The following POLR2J variants were observed in gnomAD, a reference collection of about 807,000 sequenced individuals.
The protein encoded by POLR2J is RNA polymerase II subunit J, also known as DNA-directed RNA polymerase II subunit RPB11-a.
In POLR2J, 12 loss-of-function variants were observed where a neutral mutation model predicts 13.4. The observed-to-expected ratio is 0.90, with a 90% CI of 0.57 to 1.45. The LOEUF is 1.45. Among genes scored for constraint, POLR2J ranks in the 40% most tolerant of loss-of-function variants. The probability of loss-of-function intolerance (pLI) is 0.00; values close to 1 mark genes in which losing one functional copy is unlikely to be tolerated. For missense variants in POLR2J, 58 were observed against 132.0 expected, an observed-to-expected ratio of 0.44 and a Z score of 2.75; for synonymous variants, 31 against 53.6, an observed-to-expected ratio of 0.58 and a Z score of 1.84.
At chr7:102,473,735 A>T (rs763885399) in intron 3 of POLR2J, 51 bp from the exon 4 acceptor site, 8 of 1,611,500 alleles carry the variant, frequency 5.0e-6, no homozygotes, top group Non-Finnish European at 6.8e-6. Context: ...TGGGGCAAGG[A>T]CGCTGGAAAC....
At chr7:102,478,584 G>C (rs544243786) in intron 1 of POLR2J, among the ~76,000 whole-genome samples, 24 of 151,604 alleles carry the variant, frequency 1.6e-4, no homozygotes, top group African/African-American at 5.1e-4. Context: ...CACTTCCTGT[G>C]TCCGGGGCAA....
Position 102,473,589 on chromosome 7 carries a change from C to T in POLR2J, c.*60G>A, listed in dbSNP as rs530025714. 5.1e-5 allele frequency: 82 copies of T among 1,605,542 alleles called. No homozygotes were observed. The highest frequency in any genetic ancestry group is 6.2e-5 in the Non-Finnish European group (73 of 1,176,398). On this transcript the variant is annotated 3_prime_UTR_variant, in exon 4 of 4. Coordinates refer to ENST00000292614, the MANE Select transcript of POLR2J (RefSeq NM_006234.6). ...GCTCTCCTCGGTGTGGTACCTGGAG[C>T]GGAGGGTCAGGCACAGGTAGGAACG...
intron 2 of POLR2J, among the ~76,000 whole-genome samples, chr7:102,475,816 G>A (rs1798413427): frequency 6.7e-6 from 1 of 149,836 alleles, no homozygotes; most frequent in Admixed American, 6.7e-5. Context: ...CAGCTACTAG[G>A]AAGGCTGAAG....
chr7:102,478,889 A>T lies in POLR2J; in HGVS notation c.-29T>A, dbSNP rs772700407. The T allele has an allele frequency of 1.2e-6, 2 of 1,610,068 alleles. No homozygotes were observed. Among genetic ancestry groups the T allele is most frequent in the Non-Finnish European group, 1.7e-6 (2 of 1,179,528 alleles). ...CCCGCCGCCGTTGCGTCCAGACCCC[A>T]AGGGTCCGCCGCCGCCGCCACCAGA... On this transcript the variant is annotated 5_prime_UTR_variant, in exon 1 of 4. Coordinates refer to ENST00000292614, the MANE Select transcript of POLR2J (RefSeq NM_006234.6).
Position 102,473,622 on chromosome 7 carries a change from C to A in POLR2J, c.*27G>T. The A allele has an allele frequency of 6.2e-7, 1 of 1,602,486 alleles. No individual in the cohort carries two copies. On this transcript the variant is annotated 3_prime_UTR_variant, in exon 4 of 4. Transcript: ENST00000292614. ...CAGGCACAGGTAGGAACGGGGCTCA[C>A]AGGCCGAGCAGAGCCCCCTCTGGCC...
rs529620182 is a variant in POLR2J at position 102,473,764 on chromosome 7, C to T, written c.319-80G>A. 1,147 of 1,586,738 alleles carry T rather than the reference C, an allele frequency of 7.2e-4. 3 individuals carry two copies. The highest frequency in any genetic ancestry group is 2.9e-3 in the Middle Eastern group (16 of 5,448). On this transcript the variant is annotated intron_variant, in intron 3 of 3. Coordinates refer to ENST00000292614, the MANE Select transcript of POLR2J (RefSeq NM_006234.6). The stretch of plus-strand genomic sequence containing the variant: ...TGGAAACACATGCCCAGCATCCCCC[C>T]CGCCAGGCCCTTCCTGGAGGGCAGC...
Position 102,473,131 on chromosome 7 carries a change from C to G in POLR2J, c.*518G>C. The G allele has an allele frequency of 7.0e-7, 1 of 1,426,522 alleles. No individual in the cohort carries two copies. Among genetic ancestry groups the G allele is most frequent in the Non-Finnish European group, 9.5e-7 (1 of 1,053,030 alleles). 88.4% of individuals were successfully genotyped at this position (1,426,522 alleles called of 1,614,324 possible). On this transcript the variant is annotated 3_prime_UTR_variant, in exon 4 of 4. Coordinates refer to ENST00000292614, the MANE Select transcript of POLR2J (RefSeq NM_006234.6). Reference sequence around the variant, plus strand: ...CCGATGGGGGTGGGGGGGGGTCTTTCAGTGAATATTTTTATTAAACTCTAC... The same window carrying G: ...CCGATGGGGGTGGGGGGGGGTCTTTGAGTGAATATTTTTATTAAACTCTAC...
chr7:102,473,729 G>A, intron 3 of POLR2J, 45 bp from the exon 4 acceptor site: 6 of 1,612,668 alleles, frequency 3.7e-6, no homozygotes, highest in South Asian at 3.3e-5. Flanking sequence ...AACAGCTGGG[G>A]CAAGGACGCT....
chr7:102,474,593 C>A lies in POLR2J; in HGVS notation c.144-58G>T, dbSNP rs1190560309. 4 of 1,388,410 alleles carry A rather than the reference C, an allele frequency of 2.9e-6. No homozygotes were observed. The East Asian group carries it at 9.2e-5, about 32-fold the overall frequency. 86.0% of individuals were successfully genotyped at this position (1,388,410 alleles called of 1,614,324 possible). On this transcript the variant is annotated intron_variant, in intron 2 of 3. Transcript: ENST00000292614. ...GCCTCATGCCCAAGCTGGGTAGCAG[C>A]CAGCTCAGAGCAGAAGAACAGACTT... is the stretch of plus-strand genomic sequence containing the variant.
Position 102,473,521 on chromosome 7 carries a change from G to C in POLR2J, c.*128C>G. 1 of 1,421,926 alleles carries C rather than the reference G, an allele frequency of 7.0e-7. No homozygotes were observed. The highest frequency in any genetic ancestry group is 9.5e-7 in the Non-Finnish European group (1 of 1,049,256). The allele number at this position is 1,421,926 out of a possible 1,614,324, so 88.1% of individuals were successfully genotyped here. A position where few individuals can be genotyped will look rare whatever the true frequency, so the allele number is the denominator to read the frequency against. ...CTATGTACAGGACACGTCGGTGTCA[G>C]GGTGAGGGGTGGCCACAAGGCGGGC... On this transcript the variant is annotated 3_prime_UTR_variant, in exon 4 of 4. Transcript: ENST00000292614.
chr7:102,478,852 G>A lies in POLR2J; in HGVS notation c.9C>T (p.Ala3=), dbSNP rs1453453035. The stretch of plus-strand genomic sequence containing the variant: ...GCAAGAACGACTCGAAGGCTGGAGG[G>A]GCGTTCATGCTCCCGCCGCCGTTGC... MN[A]PPAFESFLLF... is the part of the protein sequence containing the mutation. The change falls in exon 1 of 4, where the codon GCC becomes GCT. Residue 3 remains alanine, a synonymous_variant. Coordinates refer to ENST00000292614, the MANE Select transcript of POLR2J (RefSeq NM_006234.6). The A allele has an allele frequency of 3.1e-6, 5 of 1,610,752 alleles. No individual in the cohort carries two copies. Among genetic ancestry groups the A allele is most frequent in the Non-Finnish European group, 3.4e-6 (4 of 1,179,710 alleles).
chr7:102,473,187 C>G lies in POLR2J; in HGVS notation c.*462G>C. ...ACAAGAAGCCTGTGGAAAGGTGTTTCGAGTTATGCAGGAAGAAGTGTTCCT... is the reference window on the plus strand; with the variant it reads ...ACAAGAAGCCTGTGGAAAGGTGTTTGGAGTTATGCAGGAAGAAGTGTTCCT... On this transcript the variant is annotated 3_prime_UTR_variant, in exon 4 of 4. Transcript: ENST00000292614. 3.9e-6 allele frequency: 4 copies of G among 1,034,804 alleles called. No individual in the cohort carries two copies. Among genetic ancestry groups the G allele is most frequent in the Non-Finnish European group, 5.5e-6 (4 of 728,486 alleles). 64.1% of individuals were successfully genotyped at this position (1,034,804 alleles called of 1,614,324 possible).
intron 1 of POLR2J, among the ~76,000 whole-genome samples, chr7:102,477,662 C>A (rs1798465950): frequency 7.5e-5 from 2 of 26,516 alleles, no homozygotes; most frequent in Admixed American, 7.5e-4. Context: ...CCAAATGGTC[C>A]CCAGTTGAGA....
In POLR2J at chr7:102,478,891, G is replaced by A. The variant is rs775699736; in HGVS notation, c.-31C>T. 1.4e-5 allele frequency: 22 copies of A among 1,609,846 alleles called. No individual in the cohort carries two copies. Among genetic ancestry groups the A allele is most frequent in the Middle Eastern group, 2.2e-4 (1 of 4,452 alleles). On this transcript the variant is annotated 5_prime_UTR_variant, in exon 1 of 4. Coordinates refer to ENST00000292614, the MANE Select transcript of POLR2J (RefSeq NM_006234.6). ...CGCCGCCGTTGCGTCCAGACCCCAA[G>A]GGTCCGCCGCCGCCGCCACCAGAGC...
chr7:102,473,876 A>C (rs970867049), intron 3 of POLR2J, 192 bp from the exon 4 acceptor site: 4 of 1,441,562 alleles, frequency 2.8e-6, no homozygotes, highest in Non-Finnish European at 3.6e-6. Context: ...CAGCCCCGGC[A>C]GGAGTCAGAG....
At position 102,478,807 on chromosome 7, in the gene POLR2J, C is replaced by T; in HGVS notation, c.53+1G>A. 2 of 1,610,736 alleles carry T rather than the reference C, an allele frequency of 1.2e-6. No homozygotes were observed. Among genetic ancestry groups the T allele is most frequent in the Non-Finnish European group, 1.7e-6 (2 of 1,179,604 alleles). ...GGCCCGCCGCAGCCGGCGTCACTTA[C>T]TTCTTCTCGCCCTCGAAGAGCAAGA... On this transcript the variant is annotated splice_donor_variant, in intron 1 of 3. Coordinates refer to ENST00000292614, the MANE Select transcript of POLR2J (RefSeq NM_006234.6). LOFTEE classifies it high-confidence loss of function.
At chr7:102,476,296 G>A in intron 1 of POLR2J, 26 bp from the exon 2 acceptor site, 2 of 648,104 alleles carry the variant, frequency 3.1e-6, no homozygotes, top group Non-Finnish European at 5.4e-6. Flanking sequence ...GGCCACAGAT[G>A]AGGAGCAGGG....
chr7:102,473,280 T>C lies in POLR2J; in HGVS notation c.*369A>G. On this transcript the variant is annotated 3_prime_UTR_variant, in exon 4 of 4. Transcript: ENST00000292614. ...CAGAGACTCTTGGGAGCTCATGGGTTTGCACACTTCTCTCCGGCTCAGCAC... is the reference window on the plus strand; with the variant it reads ...CAGAGACTCTTGGGAGCTCATGGGTCTGCACACTTCTCTCCGGCTCAGCAC... The C allele has an allele frequency of 1.7e-6, 1 of 605,580 alleles. No individual in the cohort carries two copies. Among genetic ancestry groups the C allele is most frequent in the Non-Finnish European group, 2.8e-6 (1 of 355,250 alleles). 37.5% of individuals were successfully genotyped at this position (605,580 alleles called of 1,614,324 possible).
chr7:102,475,656 GCT>G (rs1327966952), intron 2 of POLR2J, among the ~76,000 whole-genome samples: 1 of 152,288 alleles, frequency 6.6e-6, no homozygotes, highest in Non-Finnish European at 1.5e-5. Flanking sequence ...GGGCGCAGTA[GCT>G]CACGTCTCTA....
Sources: gnomAD v4.1 joint callset for allele counts (sites outside exome capture counted in the v4.1 genomes callset) on GRCh38, gnomAD v4.1.1 for gene constraint, MANE v1.5 for transcripts, NCBI Gene and HGNC (gene_info 2026-07-23, HGNC 2026-07-21) for gene names.